The following GSDME variants were observed in gnomAD, a reference collection of about 807,000 sequenced individuals.
The protein encoded by GSDME is gasdermin-E.
GSDME carries 44 observed loss-of-function variants against 47.5 expected under a neutral mutation model. The ratio of observed to expected loss-of-function variants is 0.93; its 90% confidence interval spans 0.73 to 1.19. The LOEUF (loss-of-function observed/expected upper bound fraction) is 1.19, where lower values mean the gene tolerates loss of function less well. Ranked by LOEUF, GSDME falls within the 50% of genes most tolerant of loss-of-function variation. The pLI is 0.00. For synonymous variants in GSDME, 258 were observed against 252.8 expected, an observed-to-expected ratio of 1.02 and a Z score of -0.20; for missense variants, 663 against 604.2, an observed-to-expected ratio of 1.10 and a Z score of -1.02.
rs1789490525 is a variant in GSDME, at chr7:24,714,931, T to C, written c.697+2323A>G. Among the ~76,000 whole-genome samples the C allele has an allele frequency of 6.6e-6, 1 of 152,214 alleles. No individual in the cohort carries two copies. The highest frequency in any genetic ancestry group is 6.5e-5 in the Admixed American group (1 of 15,288). On this transcript the variant is annotated intron_variant, in intron 5 of 9. Transcript: ENST00000645220. This position sits in a 1 kb window ranked among gnomAD's most constrained non-coding sequence, Gnocchi z 5.0. ...AAGCGTTACAGAAGTGACGCATCCT[T>C]CACTACAGCCAAGATACGGAAATAA...
rs766327140 is a variant in GSDME at position 24,719,106 on chromosome 7, G to A, written c.517C>T (p.His173Tyr). The A allele has an allele frequency of 6.2e-7, 1 of 1,613,736 alleles. No homozygotes were observed. The highest frequency in any genetic ancestry group is 8.5e-7 in the Non-Finnish European group (1 of 1,180,044). ...CCACACTTCTCCTCGACCTGCATGT[G>A]CTCAGAGATCACACACTTCTGCATC... ...TTMQKCVISE[H>Y]MQVEEKCGGI... The change falls in exon 4 of 10, where the codon CAC becomes TAC. Residue 173 changes from histidine to tyrosine, a missense_variant. Physicochemically the swap from His to Tyr is moderately conservative, Grantham distance 83. Transcript: ENST00000645220.
the GSDME span, among the ~76,000 whole-genome samples, chr7:24,777,677 A>G: frequency 6.6e-6 from 1 of 152,066 alleles, no homozygotes; most frequent in Non-Finnish European, 1.5e-5. Context: ...TCATGGTGTG[A>G]CAAAAGGAGA....
At chr7:24,702,333 C>A in intron 9 of GSDME, 1 of 316,386 alleles carries the variant, frequency 3.2e-6, no homozygotes, top group South Asian at 2.9e-5. Flanking sequence ...GCTATGTCTC[C>A]CTGGGACAGA....
At chr7:24,713,033 G>A (rs1173375085) in intron 5 of GSDME, among the ~76,000 whole-genome samples, 2 of 147,254 alleles carry the variant, frequency 1.4e-5, no homozygotes. Flanking sequence ...AAAAAAAAAA[G>A]GGAAAAGCAC....
the GSDME span, among the ~76,000 whole-genome samples, chr7:24,788,989 C>A: frequency 3.3e-5 from 5 of 152,072 alleles, no homozygotes; most frequent in Non-Finnish European, 7.4e-5. The surrounding 1 kb of genome is among the most constrained non-coding windows in gnomAD (Gnocchi z 4.6). Flanking sequence ...TCTTTCAAGC[C>A]AGGATCCAAT....
chr7:24,723,939 C>G (rs1441003566), intron 3 of GSDME, among the ~76,000 whole-genome samples: 1 of 152,230 alleles, frequency 6.6e-6, no homozygotes, highest in African/African-American at 2.4e-5. Context: ...ATCTCACTCT[C>G]CTCGTGGCTG....
chr7:24,791,776 G>A, the GSDME span, among the ~76,000 whole-genome samples: 12 of 152,168 alleles, frequency 7.9e-5, no homozygotes, highest in African/African-American at 1.2e-4. The surrounding 1 kb of genome is among the most constrained non-coding windows in gnomAD (Gnocchi z 4.8). Context: ...ACATCCTCTC[G>A]GGGATGAACA....
At chr7:24,777,000 T>C in the GSDME span, among the ~76,000 whole-genome samples, 1 of 152,114 alleles carries the variant, frequency 6.6e-6, no homozygotes, top group African/African-American at 2.4e-5. Context: ...TCTAGTTCTA[T>C]AAATAATATA....
At chr7:24,743,051 C>T (rs1452276120) in intron 3 of GSDME, among the ~76,000 whole-genome samples, 1 of 152,084 alleles carries the variant, frequency 6.6e-6, no homozygotes, top group Non-Finnish European at 1.5e-5. Context: ...TCTTGGAGTC[C>T]TAGAAAGTGC....
At chr7:24,710,538 C>G (rs1356044174) in intron 5 of GSDME, 150 bp from the exon 6 acceptor site, 2 of 724,648 alleles carry the variant, frequency 2.8e-6, no homozygotes, top group East Asian at 5.3e-5. Flanking sequence ...AAAATTCGAT[C>G]CCTACACACA....
chr7:24,725,610 C>T lies in GSDME; in HGVS notation c.405-6392G>A, dbSNP rs926634426. Reference sequence around the variant, plus strand: ...AGAGGGTCGTGATCGATTGAGCAAGCAGTGGGTACGTGACTGGGGGCTGCA... The same window carrying T: ...AGAGGGTCGTGATCGATTGAGCAAGTAGTGGGTACGTGACTGGGGGCTGCA... On this transcript the variant is annotated intron_variant, in intron 3 of 9. Transcript: ENST00000645220. This position sits in a 1 kb window ranked among gnomAD's most constrained non-coding sequence, Gnocchi z 5.1. 6.6e-6 allele frequency among the ~76,000 whole-genome samples: 1 copy of T among 152,126 alleles called. No individual in the cohort carries two copies. Among genetic ancestry groups the T allele is most frequent in the Admixed American group, 6.5e-5 (1 of 15,280 alleles).
Position 24,713,249 on chromosome 7 carries a change from C to T in GSDME, c.698-2861G>A, listed in dbSNP as rs545076104. Among the ~76,000 whole-genome samples, 13 of 152,178 alleles carry T rather than the reference C, an allele frequency of 8.5e-5. No homozygotes were observed. In the South Asian group the frequency reaches 2.1e-3, roughly 24 times the overall value. ...CTCTTCACCTCTCTGTGTCCTGTGTCGGGAGACACGGCTGCTCCTTTCCTC... is the reference window on the plus strand; with the variant it reads ...CTCTTCACCTCTCTGTGTCCTGTGTTGGGAGACACGGCTGCTCCTTTCCTC... On this transcript the variant is annotated intron_variant, in intron 5 of 9. Coordinates refer to ENST00000645220, the MANE Select transcript of GSDME (RefSeq NM_001127453.2).
chr7:24,743,522 TC>T (rs1790552881), intron 3 of GSDME, among the ~76,000 whole-genome samples: 6 of 152,168 alleles, frequency 3.9e-5, no homozygotes. Context: ...GAATGATCCT[TC>T]TAAAAAATAC....
At chr7:24,720,474 C>A (rs1419732588) in intron 3 of GSDME, among the ~76,000 whole-genome samples, 1 of 152,136 alleles carries the variant, frequency 6.6e-6, no homozygotes, top group South Asian at 2.1e-4. Flanking sequence ...CAGAAAGTAG[C>A]CCTGGAACTG....
chr7:24,779,282 AACTGCAGAATGGC>A, the GSDME span, among the ~76,000 whole-genome samples: 3 of 152,242 alleles, frequency 2.0e-5, no homozygotes, highest in East Asian at 3.8e-4. The surrounding 1 kb of genome is among the most constrained non-coding windows in gnomAD (Gnocchi z 6.0). Flanking sequence ...AGTGGTTAGT[AACTGCAGAATGGC>A]AAAGGCAGAG....
intron 2 of GSDME, among the ~76,000 whole-genome samples, chr7:24,747,837 T>G (rs1445712541): frequency 6.6e-6 from 1 of 151,878 alleles, no homozygotes; most frequent in African/African-American, 2.4e-5. Context: ...CTGGCTAATT[T>G]TTCTATTTTT....
At position 24,699,094 on chromosome 7, in the gene GSDME, T is replaced by TA; in HGVS notation, c.1422dup (p.Lys475Ter). On this transcript the variant is annotated frameshift_variant, in exon 10 of 10. Transcript: ENST00000645220. LOFTEE classifies it low-confidence loss of function (END_TRUNC). ...ATACAAAGAAGCAGTGGGAAGACTTTAGAGTCCTTCAGAATGACAGCTTTC... is the reference window on the plus strand; with the variant it reads ...ATACAAAGAAGCAGTGGGAAGACTTTAAGAGTCCTTCAGAATGACAGCTTTC... 3.1e-6 allele frequency: 5 copies of TA among 1,614,164 alleles called. No homozygotes were observed. Among genetic ancestry groups the TA allele is most frequent in the Non-Finnish European group, 4.2e-6 (5 of 1,180,010 alleles).
intron 8 of GSDME, 125 bp from the exon 9 acceptor site, chr7:24,702,958 A>ATCCAGGGGCTG: frequency 2.7e-6 from 2 of 752,412 alleles, no homozygotes; most frequent in Non-Finnish European, 4.5e-6. Flanking sequence ...GGAGGTACTC[A>ATCCAGGGGCTG]GCAGTTGCTG....
the GSDME span, among the ~76,000 whole-genome samples, chr7:24,777,928 G>A: frequency 3.3e-5 from 5 of 151,846 alleles, no homozygotes; most frequent in Admixed American, 6.6e-5. Flanking sequence ...TTTCTGCTAA[G>A]AACATGTATT....
Sources: gnomAD v4.1 joint callset for allele counts (sites outside exome capture counted in the v4.1 genomes callset) on GRCh38, gnomAD v4.1.1 for gene constraint, Gnocchi (gnomAD v3.1) non-coding constraint, MANE v1.5 for transcripts, NCBI Gene and HGNC (gene_info 2026-07-23, HGNC 2026-07-21) for gene names.